Variants in MAST4 observed in about 807,000 individuals in gnomAD.
MAST4 encodes the protein microtubule associated serine/threonine kinase family member 4.
MAST4 carries 89 observed loss-of-function variants against 162.7 expected under a neutral mutation model. That is an observed-to-expected ratio of 0.55 (90% confidence interval 0.46 to 0.65). The LOEUF is 0.65. Ranked by LOEUF, MAST4 falls within the 30% of genes least tolerant of loss-of-function variation. The pLI, the probability that MAST4 is intolerant of heterozygous loss-of-function variation, is 0.00. For missense variants in MAST4, 3,153 were observed against 3,374.0 expected (o/e 0.93, Z 1.62); for synonymous variants, 1,479 against 1,361.1 (o/e 1.09, Z -1.91).
At position 67,065,930 on chromosome 5, in the gene MAST4, A is replaced by C. The variant is rs139249025; in HGVS notation, c.763+11438A>C. On this transcript the variant is annotated intron_variant, in intron 5 of 28. Coordinates refer to ENST00000403625, the MANE Select transcript of MAST4 (RefSeq NM_001164664.2). The stretch of plus-strand genomic sequence containing the variant: ...CTTGTCATGAAGTGTTCAGGTGTGC[A>C]CACACTGTGGCAACCCAGAAGTTTA... 3.8e-3 allele frequency among the ~76,000 whole-genome samples: 581 copies of C among 152,348 alleles called. 3 individuals carry two copies. The highest frequency in any genetic ancestry group is 0.013 in the African/African-American group (554 of 41,566).
At chr5:66,739,455 C>T (rs1339194533) in intron 1 of MAST4, among the ~76,000 whole-genome samples, 1 of 152,096 alleles carries the variant, frequency 6.6e-6, no homozygotes, top group East Asian at 1.9e-4. Context: ...GACTGGGGCC[C>T]TTCTTGACCT....
At chr5:66,903,655 A>G (rs1375343779) in intron 4 of MAST4, among the ~76,000 whole-genome samples, 1 of 152,170 alleles carries the variant, frequency 6.6e-6, no homozygotes, top group Non-Finnish European at 1.5e-5. Flanking sequence ...GGGATGAAGC[A>G]AAGGAGATAA....
In MAST4 at chr5:66,622,503, T is replaced by G. The variant is rs113681213; in HGVS notation, c.363+25485T>G. On this transcript the variant is annotated intron_variant, in intron 1 of 28. Coordinates refer to ENST00000403625, the MANE Select transcript of MAST4 (RefSeq NM_001164664.2). Reference sequence around the variant, plus strand: ...TAGAAGGGTGACAAGATCTAATTTTTAACAGGCTCACTGGCTTCTGTATGG... The same window carrying G: ...TAGAAGGGTGACAAGATCTAATTTTGAACAGGCTCACTGGCTTCTGTATGG... 8.9e-3 allele frequency among the ~76,000 whole-genome samples: 1,351 copies of G among 152,078 alleles called. 14 individuals are homozygous for G. The highest frequency in any genetic ancestry group is 0.031 in the African/African-American group (1,287 of 41,438).
chr5:66,814,193 AT>A (rs1435400628), intron 3 of MAST4, among the ~76,000 whole-genome samples: 1 of 152,230 alleles, frequency 6.6e-6, no homozygotes, highest in African/African-American at 2.4e-5. Flanking sequence ...CTAGTAACAA[AT>A]TATGAAATCA....
At chr5:66,625,823 A>G (rs964577370) in intron 1 of MAST4, among the ~76,000 whole-genome samples, 1 of 152,228 alleles carries the variant, frequency 6.6e-6, no homozygotes, top group Non-Finnish European at 1.5e-5. Flanking sequence ...AGGATCATAA[A>G]GAGATACTTG....
intron 4 of MAST4, among the ~76,000 whole-genome samples, chr5:66,995,804 A>G (rs1750566120): frequency 6.6e-6 from 1 of 151,966 alleles, no homozygotes; most frequent in Admixed American, 6.6e-5. Context: ...TGAGCCCTGG[A>G]GTTGGAGGTT....
chr5:67,023,100 T>G (rs1172717111), intron 4 of MAST4, among the ~76,000 whole-genome samples: 2 of 152,198 alleles, frequency 1.3e-5, no homozygotes, highest in African/African-American at 2.4e-5. Context: ...CTGTGGAGAC[T>G]GATGTAGAAT....
chr5:66,972,750 A>G (rs1361304484), intron 4 of MAST4, among the ~76,000 whole-genome samples: 3 of 152,126 alleles, frequency 2.0e-5, no homozygotes, highest in Non-Finnish European at 4.4e-5. Context: ...CAGCTCTCAG[A>G]GTGATTTTTG....
chr5:66,600,584 G>C (rs752578997), intron 1 of MAST4, among the ~76,000 whole-genome samples: 3 of 152,174 alleles, frequency 2.0e-5, no homozygotes, highest in Non-Finnish European at 4.4e-5. Context: ...AGAAAAAATG[G>C]CATCTATGAA....
chr5:66,712,476 C>T lies in MAST4; in HGVS notation c.364-47233C>T, dbSNP rs576009877. 8.7e-4 allele frequency among the ~76,000 whole-genome samples: 132 copies of T among 152,276 alleles called. 1 individual carries two copies. Among genetic ancestry groups the T allele is most frequent in the African/African-American group, 3.0e-3 (125 of 41,548 alleles). On this transcript the variant is annotated intron_variant, in intron 1 of 28. Transcript: ENST00000403625. ...ATGAATAGGAATCTGCAGAGACTGT[C>T]GGAGAAAAGACTTATTTGTCTTATT...
chr5:67,041,500 A>G (rs1756737219), intron 4 of MAST4, among the ~76,000 whole-genome samples: 1 of 152,218 alleles, frequency 6.6e-6, no homozygotes, highest in Non-Finnish European at 1.5e-5. Flanking sequence ...TTTTTCTTCC[A>G]CAACATCAAG....
At chr5:66,680,970 A>G (rs981180862) in intron 1 of MAST4, among the ~76,000 whole-genome samples, 1 of 152,186 alleles carries the variant, frequency 6.6e-6, no homozygotes, top group Non-Finnish European at 1.5e-5. Flanking sequence ...CCTCCCAGTC[A>G]TGGTGGCACA....
intron 4 of MAST4, among the ~76,000 whole-genome samples, chr5:66,964,645 C>T (rs1561485318): frequency 6.6e-6 from 1 of 152,084 alleles, no homozygotes; most frequent in Non-Finnish European, 1.5e-5. Flanking sequence ...ATTAAACATA[C>T]AAAAAATTAG....
intron 4 of MAST4, among the ~76,000 whole-genome samples, chr5:66,907,612 G>GTGTGTGTC (rs1384341090): frequency 1.3e-5 from 2 of 150,844 alleles, no homozygotes; most frequent in African/African-American, 4.9e-5. Flanking sequence ...GTGTGTGTGT[G>GTGTGTGTC]TGTGTGTGTG....
chr5:67,010,838 C>G (rs1317471338), intron 4 of MAST4, among the ~76,000 whole-genome samples: 2 of 151,952 alleles, frequency 1.3e-5, no homozygotes, highest in African/African-American at 4.8e-5. Flanking sequence ...AACAGGTGCC[C>G]CAGGGTGGGG....
intron 6 of MAST4, among the ~76,000 whole-genome samples, chr5:67,094,644 A>G (rs1764234807): frequency 6.6e-6 from 1 of 152,136 alleles, no homozygotes; most frequent in African/African-American, 2.4e-5. Context: ...TTAAAGTAAT[A>G]GCTCTGGAAT....
chr5:66,796,874 T>A (rs1163639694), intron 3 of MAST4, among the ~76,000 whole-genome samples: 4 of 152,170 alleles, frequency 2.6e-5, no homozygotes, highest in Non-Finnish European at 2.9e-5. Flanking sequence ...GGACAGTGCC[T>A]GGTCTGTGGT....
intron 4 of MAST4, among the ~76,000 whole-genome samples, chr5:66,982,546 A>G (rs1463005663): frequency 6.6e-6 from 1 of 152,184 alleles, no homozygotes; most frequent in African/African-American, 2.4e-5. Flanking sequence ...TCCTAAAACA[A>G]TGACATCAAT....
At chr5:66,867,165 G>A (rs148237095) in intron 3 of MAST4, among the ~76,000 whole-genome samples, 104 of 152,250 alleles carry the variant, frequency 6.8e-4, no homozygotes, top group Non-Finnish European at 1.2e-3. Flanking sequence ...AATGCCTAAT[G>A]ACAGATTTTT....
Sources: allele counts gnomAD v4.1 joint callset (sites outside exome capture counted in the v4.1 genomes callset), GRCh38; gene constraint gnomAD v4.1.1; transcripts MANE v1.5; gene names NCBI Gene and HGNC (gene_info 2026-07-23, HGNC 2026-07-21).